Variants in MEI4 observed in about 807,000 individuals in gnomAD.
MEI4 encodes meiosis-specific protein MEI4.
Under a neutral mutation model 31.4 loss-of-function variants are expected in MEI4, and 27 were observed. The ratio of observed to expected loss-of-function variants is 0.86; its 90% CI spans 0.63 to 1.19. The LOEUF is 1.19. Among genes scored for constraint, MEI4 ranks in the 50% most tolerant of loss-of-function variants. The pLI is 0.00. For synonymous variants in MEI4, 122 were observed against 145.4 expected, an observed-to-expected ratio of 0.84 and a Z score of 1.16; for missense variants, 329 against 398.9, an observed-to-expected ratio of 0.82 and a Z score of 1.49.
rs1283224470 is a variant in MEI4 at position 77,925,370 on chromosome 6, T to C, written c.*2024T>C. ...CATTTAACTTCCACCAAGTATATGA[T>C]ACTTTAATTATCCTGGGTTTCAGTC... On this transcript the variant is annotated 3_prime_UTR_variant, in exon 5 of 5. Transcript: ENST00000684080. The C allele has an allele frequency of 6.6e-6, 1 of 151,836 alleles. No homozygotes were observed. Among genetic ancestry groups the C allele is most frequent in the Non-Finnish European group, 1.5e-5 (1 of 67,898 alleles). 9.4% of individuals were successfully genotyped at this position (151,836 alleles called of 1,614,324 possible).
intron 3 of MEI4, among the ~76,000 whole-genome samples, chr6:77,801,892 C>G (rs1431309299): frequency 2.0e-5 from 3 of 152,096 alleles, no homozygotes; most frequent in Non-Finnish European, 2.9e-5. Context: ...GCTTTGCTTC[C>G]AAATATGTGG....
chr6:77,775,361 A>G (rs1196811719), intron 3 of MEI4, among the ~76,000 whole-genome samples: 3 of 151,976 alleles, frequency 2.0e-5, no homozygotes, highest in South Asian at 2.1e-4. Context: ...CGAGTCCCCA[A>G]AGTCCGTTGT....
intron 2 of MEI4, among the ~76,000 whole-genome samples, chr6:77,708,609 A>G (rs1385364388): frequency 1.3e-5 from 2 of 152,224 alleles, no homozygotes; most frequent in African/African-American, 4.8e-5. Flanking sequence ...TCATGTTGAA[A>G]TGTGATCCCC....
chr6:77,687,269 A>C (rs1769075653), intron 1 of MEI4, among the ~76,000 whole-genome samples: 1 of 152,172 alleles, frequency 6.6e-6, no homozygotes, highest in Admixed American at 6.5e-5. Flanking sequence ...GAGACACTAC[A>C]TACCTTCGTG....
At chr6:77,921,732 T>A (rs553334338) in intron 4 of MEI4, among the ~76,000 whole-genome samples, 1 of 151,908 alleles carries the variant, frequency 6.6e-6, no homozygotes, top group East Asian at 1.9e-4. Flanking sequence ...ATTTCAATAT[T>A]GTTTTGTCTC....
At chr6:77,912,060 T>C (rs537730437) in intron 4 of MEI4, among the ~76,000 whole-genome samples, 90 of 152,080 alleles carry the variant, frequency 5.9e-4, no homozygotes, top group Admixed American at 1.1e-3. Context: ...ATACAACTTA[T>C]TTAACATCAT....
chr6:77,690,198 A>T (rs1199382463), intron 1 of MEI4, among the ~76,000 whole-genome samples: 2 of 151,996 alleles, frequency 1.3e-5, no homozygotes, highest in Non-Finnish European at 2.9e-5. Flanking sequence ...GATGGGTTGG[A>T]GGAAAGGAAG....
At chr6:77,755,625 G>A (rs1197881318) in intron 2 of MEI4, among the ~76,000 whole-genome samples, 1 of 151,926 alleles carries the variant, frequency 6.6e-6, no homozygotes, top group Non-Finnish European at 1.5e-5. Flanking sequence ...TACCATGTTG[G>A]CCAGGCTGGT....
rs144703392 is a variant in MEI4, at chr6:77,735,129, G to C, written c.233-26001G>C. On this transcript the variant is annotated intron_variant, in intron 2 of 4. Coordinates refer to ENST00000684080, the MANE Select transcript of MEI4 (RefSeq NM_001322247.2). ...TATGTGTCTTGGAGTTGCTCTTCTCGAGGAGTATCTTTGTGACATTCTCTG... is the reference window on the plus strand; with the variant it reads ...TATGTGTCTTGGAGTTGCTCTTCTCCAGGAGTATCTTTGTGACATTCTCTG... Among the ~76,000 whole-genome samples the C allele has an allele frequency of 3.3e-5, 5 of 151,766 alleles. No individual in the cohort carries two copies. The South Asian group carries it at 6.2e-4, about 19-fold the overall frequency.
intron 3 of MEI4, among the ~76,000 whole-genome samples, chr6:77,767,897 AGGAG>A (rs139247094): frequency 0.037 from 5,578 of 152,296 alleles, 268 homozygotes; most frequent in African/African-American, 0.11. Flanking sequence ...ATGCAGAGGA[AGGAG>A]GAAGAGACAG....
intron 4 of MEI4, among the ~76,000 whole-genome samples, chr6:77,917,232 C>T (rs568662745): frequency 0.081 from 12,320 of 151,652 alleles, 700 homozygotes; most frequent in Admixed American, 0.13. Flanking sequence ...AATATACATA[C>T]GTGTGCATGT....
At chr6:77,799,974 G>A (rs1041875524) in intron 3 of MEI4, among the ~76,000 whole-genome samples, 10 of 152,114 alleles carry the variant, frequency 6.6e-5, no homozygotes, top group Non-Finnish European at 1.2e-4. Flanking sequence ...ACTTGGCAAT[G>A]GGGGCTCTTT....
intron 3 of MEI4, among the ~76,000 whole-genome samples, chr6:77,805,112 T>C (rs1227550177): frequency 2.6e-5 from 4 of 152,200 alleles, no homozygotes; most frequent in Non-Finnish European, 5.9e-5. Context: ...ATGATAAAGA[T>C]TATTTTATTG....
chr6:77,677,083 C>T (rs1271345928), intron 1 of MEI4, among the ~76,000 whole-genome samples: 1 of 152,174 alleles, frequency 6.6e-6, no homozygotes, highest in Non-Finnish European at 1.5e-5. Flanking sequence ...TATATTACTT[C>T]AGTCACTTTA....
intron 2 of MEI4, among the ~76,000 whole-genome samples, chr6:77,743,162 T>C (rs1209488941): frequency 6.6e-6 from 1 of 152,196 alleles, no homozygotes; most frequent in Non-Finnish European, 1.5e-5. Context: ...GTGAAGAAAG[T>C]CATTGGTAGA....
intron 4 of MEI4, among the ~76,000 whole-genome samples, chr6:77,884,742 G>A (rs1043274069): frequency 6.6e-6 from 1 of 152,082 alleles, no homozygotes; most frequent in Non-Finnish European, 1.5e-5. Context: ...TACCATTCTG[G>A]TTTGGTTACT....
At chr6:77,807,795 C>A (rs1244762156) in intron 3 of MEI4, among the ~76,000 whole-genome samples, 1 of 152,124 alleles carries the variant, frequency 6.6e-6, no homozygotes. Context: ...TATGGTCATG[C>A]ATTTTGAAAA....
At chr6:77,740,410 G>T (rs1767368561) in intron 2 of MEI4, among the ~76,000 whole-genome samples, 1 of 152,144 alleles carries the variant, frequency 6.6e-6, no homozygotes, top group East Asian at 1.9e-4. Context: ...TCAGTGGGGT[G>T]CTGAAGTCTC....
chr6:77,875,751 GAA>G lies in MEI4; in HGVS notation c.900+46691_900+46692del, dbSNP rs571414599. On this transcript the variant is annotated intron_variant, in intron 4 of 4. Coordinates refer to ENST00000684080, the MANE Select transcript of MEI4 (RefSeq NM_001322247.2). ...ATCTGAAAATTGTAAGAGTTTCAAA[GAA>G]ATGCATATTACATGGTAAAATGCAT... Among the ~76,000 whole-genome samples, 7 of 152,234 alleles carry G rather than the reference GAA, an allele frequency of 4.6e-5. No individual in the cohort carries two copies. The South Asian group carries it at 1.5e-3, about 32-fold the overall frequency.
Sources: allele counts gnomAD v4.1 joint callset (sites outside exome capture counted in the v4.1 genomes callset), GRCh38; gene constraint gnomAD v4.1.1; transcripts MANE v1.5; gene names NCBI Gene and HGNC (gene_info 2026-07-23, HGNC 2026-07-21).